The following PDZRN4 variants were observed in gnomAD, a reference collection of about 807,000 sequenced individuals.
The protein encoded by PDZRN4 is PDZ domain-containing RING finger protein 4.
Under a neutral mutation model 99.0 loss-of-function variants are expected in PDZRN4, and 70 were observed. The ratio of observed to expected loss-of-function variants is 0.71; its 90% CI spans 0.58 to 0.86. The LOEUF (loss-of-function observed/expected upper bound fraction) is 0.86. PDZRN4 is among the 40% of genes least tolerant of loss of function. The pLI is 0.00. For missense variants in PDZRN4, 1,474 were observed against 1,331.2 expected, an observed-to-expected ratio of 1.11 and a Z score of -1.67; for synonymous variants, 551 against 501.6, an observed-to-expected ratio of 1.10 and a Z score of -1.32.
At chr12:41,351,867 G>T (rs977529369) in intron 3 of PDZRN4, among the ~76,000 whole-genome samples, 1 of 151,796 alleles carries the variant, frequency 6.6e-6, no homozygotes, top group African/African-American at 2.4e-5. Context: ...AGAATAAACT[G>T]GGCATGGTGA....
chr12:41,311,360 A>C (rs1473931721), intron 3 of PDZRN4, among the ~76,000 whole-genome samples: 2 of 152,054 alleles, frequency 1.3e-5, no homozygotes, highest in African/African-American at 4.8e-5. Context: ...AGCAATACAC[A>C]ATATAGGAGT....
At chr12:41,193,255 C>T (rs556321591) in intron 2 of PDZRN4, among the ~76,000 whole-genome samples, 18 of 152,148 alleles carry the variant, frequency 1.2e-4, no homozygotes, top group South Asian at 4.1e-4. Flanking sequence ...TAGATGACAT[C>T]GGGCCTTTTT....
intron 3 of PDZRN4, chr12:41,410,096 C>T (rs1416526715): frequency 1.3e-5 from 2 of 152,130 alleles, no homozygotes; most frequent in Non-Finnish European, 2.9e-5. Context: ...CATAATTCAA[C>T]CCATACCAGC....
chr12:41,255,652 T>C (rs1346773762), intron 3 of PDZRN4, among the ~76,000 whole-genome samples: 1 of 152,130 alleles, frequency 6.6e-6, no homozygotes. Context: ...AAGAAATACC[T>C]CAGGCTGGTT....
intron 3 of PDZRN4, among the ~76,000 whole-genome samples, chr12:41,326,851 A>G (rs552318568): frequency 1.3e-4 from 20 of 152,340 alleles, no homozygotes; most frequent in African/African-American, 4.3e-4. Flanking sequence ...CATTAGCTAA[A>G]GTGAATATCA....
At chr12:41,502,660 C>T (rs1292099737) in intron 3 of PDZRN4, among the ~76,000 whole-genome samples, 2 of 152,066 alleles carry the variant, frequency 1.3e-5, no homozygotes, top group African/African-American at 4.8e-5. Flanking sequence ...TTAAATGGGA[C>T]TCCTTTAATG....
intron 3 of PDZRN4, among the ~76,000 whole-genome samples, chr12:41,430,171 A>G (rs554231156): frequency 2.0e-5 from 3 of 152,192 alleles, no homozygotes; most frequent in Non-Finnish European, 4.4e-5. Flanking sequence ...CACATTGTGC[A>G]TTAAAAGAAA....
At chr12:41,560,968 G>A (rs963107390) in intron 7 of PDZRN4, among the ~76,000 whole-genome samples, 4 of 152,146 alleles carry the variant, frequency 2.6e-5, no homozygotes, top group African/African-American at 9.7e-5. Flanking sequence ...TTCTGTGTCA[G>A]TGATTTCATC....
intron 3 of PDZRN4, among the ~76,000 whole-genome samples, chr12:41,261,323 G>A (rs1427200702): frequency 6.6e-6 from 1 of 152,318 alleles, no homozygotes; most frequent in South Asian, 2.1e-4. Context: ...ATACCTAAGG[G>A]AAAATGTGTA....
chr12:41,325,924 G>A (rs1055359972), intron 3 of PDZRN4, among the ~76,000 whole-genome samples: 1 of 151,964 alleles, frequency 6.6e-6, no homozygotes, highest in Non-Finnish European at 1.5e-5. Context: ...GGATGTTTTC[G>A]ACTCTTTAGT....
At chr12:41,508,963 GA>G (rs1938256819) in intron 4 of PDZRN4, among the ~76,000 whole-genome samples, 1 of 152,148 alleles carries the variant, frequency 6.6e-6, no homozygotes, top group Admixed American at 6.6e-5. Flanking sequence ...TTTAGAAATA[GA>G]AAAGGCCTTA....
intron 3 of PDZRN4, among the ~76,000 whole-genome samples, chr12:41,484,579 C>T (rs1937738427): frequency 2.0e-5 from 3 of 152,188 alleles, no homozygotes; most frequent in Non-Finnish European, 4.4e-5. Flanking sequence ...ATATTTAACA[C>T]TTGTGAATAG....
intron 3 of PDZRN4, among the ~76,000 whole-genome samples, chr12:41,324,423 T>C (rs1951697808): frequency 6.6e-6 from 1 of 152,084 alleles, no homozygotes; most frequent in Admixed American, 6.5e-5. Flanking sequence ...AGAAACATTA[T>C]GAAAGAGCAG....
intron 3 of PDZRN4, among the ~76,000 whole-genome samples, chr12:41,376,986 T>C (rs1952086930): frequency 6.6e-6 from 1 of 152,208 alleles, no homozygotes; most frequent in Non-Finnish European, 1.5e-5. Context: ...GAAGAGACTC[T>C]CCTTTCCCCA....
Position 41,572,745 on chromosome 12 carries a change from C to T in PDZRN4, c.1966C>T (p.Gln656Ter), listed in dbSNP as rs764195521. 1.9e-6 allele frequency: 3 copies of T among 1,613,950 alleles called. No homozygotes were observed. Among genetic ancestry groups the T allele is most frequent in the Non-Finnish European group, 2.5e-6 (3 of 1,180,016 alleles). ...CTCAAGCAGCACAATTGAATGCAAT[C>T]AAGGGGAGCAAGAGGGAGTGGAGCA... ...YYSSSTIECN[Q>*]GEQEGVEHEL... Residue 656 changes from glutamine (Q) to a stop codon, truncating the protein, a stop_gained, in exon 10 of 10, where the codon CAA (glutamine) becomes TAA (stop). Coordinates refer to ENST00000402685, the MANE Select transcript of PDZRN4 (RefSeq NM_001164595.2). LOFTEE classifies it high-confidence loss of function.
At chr12:41,209,090 A>C (rs543263136) in intron 3 of PDZRN4, among the ~76,000 whole-genome samples, 56 of 151,998 alleles carry the variant, frequency 3.7e-4, no homozygotes, top group African/African-American at 1.2e-3. Flanking sequence ...ATGCATCAAG[A>C]CTTTGTAAGA....
intron 5 of PDZRN4, among the ~76,000 whole-genome samples, chr12:41,551,436 T>C (rs1413619879): frequency 6.6e-6 from 1 of 152,112 alleles, no homozygotes; most frequent in East Asian, 1.9e-4. Context: ...TCAACTTTCA[T>C]AATCTTTACA....
chr12:41,317,557 C>T (rs1213849880), intron 3 of PDZRN4, among the ~76,000 whole-genome samples: 5 of 152,008 alleles, frequency 3.3e-5, no homozygotes, highest in African/African-American at 1.2e-4. Flanking sequence ...ATAAAATTAA[C>T]CATCGTGAGA....
At chr12:41,213,220 C>T (rs866647176) in intron 3 of PDZRN4, among the ~76,000 whole-genome samples, 1 of 151,898 alleles carries the variant, frequency 6.6e-6, no homozygotes, top group South Asian at 2.1e-4. Context: ...TTTAAGAAAT[C>T]ATTCTGCTGT....
Sources: gnomAD v4.1 joint callset for allele counts (sites outside exome capture counted in the v4.1 genomes callset) on GRCh38, gnomAD v4.1.1 for gene constraint, MANE v1.5 for transcripts, NCBI Gene and HGNC (gene_info 2026-07-23, HGNC 2026-07-21) for gene names.